Variants in SLCO3A1 observed in about 807,000 individuals in gnomAD.
SLCO3A1 encodes solute carrier organic anion transporter family member 3A1.
SLCO3A1 carries 27 observed loss-of-function variants against 63.1 expected under a neutral mutation model. The observed-to-expected ratio is 0.43, with a 90% CI of 0.32 to 0.59. The LOEUF is 0.59. SLCO3A1 is among the 20% of genes least tolerant of loss of function. SLCO3A1 has a pLI of 0.09. For missense variants in SLCO3A1, 773 were observed against 945.8 expected (o/e 0.82, Z 2.40); for synonymous variants, 473 against 409.9 (o/e 1.15, Z -1.86).
intron 8 of SLCO3A1, chr15:92,148,711 TAAA>T (rs1049061307): frequency 5.9e-5 from 9 of 152,074 alleles, no homozygotes; most frequent in Non-Finnish European, 1.0e-4. Context: ...CCATTTATCT[TAAA>T]AAAGTACTCC....
chr15:91,890,272 C>T (rs779788884), intron 1 of SLCO3A1, among the ~76,000 whole-genome samples: 2 of 152,190 alleles, frequency 1.3e-5, no homozygotes, highest in African/African-American at 4.8e-5. Context: ...TATAATTGTT[C>T]ATCTCTCCAT....
At position 92,165,453 on chromosome 15, in the gene SLCO3A1, A is replaced by C. The variant is rs1344529698; in HGVS notation, c.*2318A>C. 1.0e-6 allele frequency: 1 copy of C among 984,288 alleles called. No homozygotes were observed. Among genetic ancestry groups the C allele is most frequent in the East Asian group, 1.1e-4 (1 of 8,810 alleles). 61.0% of individuals were successfully genotyped at this position (984,288 alleles called of 1,614,324 possible). ...GCTTGGCCCTTCAAACTCAGTACAC[A>C]CACACTGAGGCCCTTTGACCTAGTG... On this transcript the variant is annotated 3_prime_UTR_variant, in exon 10 of 10. Transcript: ENST00000318445.
chr15:91,961,009 T>C (rs2151421171), intron 2 of SLCO3A1, among the ~76,000 whole-genome samples: 1 of 152,324 alleles, frequency 6.6e-6, no homozygotes, highest in African/African-American at 2.4e-5. Context: ...TGCTCAACCA[T>C]GAGGCTTTAT....
Position 92,165,175 on chromosome 15 carries a change from T to G in SLCO3A1, c.*2040T>G. On this transcript the variant is annotated 3_prime_UTR_variant, in exon 10 of 10. Coordinates refer to ENST00000318445, the MANE Select transcript of SLCO3A1 (RefSeq NM_013272.4). ...CCAAAAGAAAAGCTGTGTCGTGGTA[T>G]GGGGCCACCGTGATCAGCTACCTGG... 1.0e-6 allele frequency: 1 copy of G among 985,436 alleles called. No homozygotes were observed. Among genetic ancestry groups the G allele is most frequent in the Non-Finnish European group, 1.2e-6 (1 of 829,930 alleles). The allele number at this position is 985,436 out of a possible 1,614,324, so 61.0% of individuals were successfully genotyped here.
chr15:91,903,191 C>G (rs1222876185), intron 1 of SLCO3A1, among the ~76,000 whole-genome samples: 1 of 152,158 alleles, frequency 6.6e-6, no homozygotes, highest in East Asian at 1.9e-4. Context: ...GGACAGCTCT[C>G]AGAGTAACTG....
intron 2 of SLCO3A1, among the ~76,000 whole-genome samples, chr15:91,949,383 A>T (rs1381447305): frequency 6.6e-6 from 1 of 152,184 alleles, no homozygotes; most frequent in Non-Finnish European, 1.5e-5. Flanking sequence ...TAATCCCAGC[A>T]CTTTGGGAGG....
downstream of SLCO3A1, among the ~76,000 whole-genome samples, chr15:92,166,696 G>C (rs1464623760): frequency 6.6e-6 from 1 of 152,230 alleles, no homozygotes; most frequent in Non-Finnish European, 1.5e-5. Context: ...AGATTCTCCT[G>C]TGGTTGCTAA....
In SLCO3A1 at chr15:91,860,779, C is replaced by G. The variant is rs1177705221; in HGVS notation, c.180+6691C>G. 6.6e-6 allele frequency among the ~76,000 whole-genome samples: 1 copy of G among 152,242 alleles called. No homozygotes were observed. The highest frequency in any genetic ancestry group is 1.5e-5 in the Non-Finnish European group (1 of 68,036). Reference sequence around the variant, plus strand: ...GCCCAGAGGGGCTCAGGTCTCACGTCTTGTCTGCTGCCTTCACCTCGTGTT... The same window carrying G: ...GCCCAGAGGGGCTCAGGTCTCACGTGTTGTCTGCTGCCTTCACCTCGTGTT... On this transcript the variant is annotated intron_variant, in intron 1 of 9. Transcript: ENST00000318445. This position sits in a 1 kb window ranked among gnomAD's most constrained non-coding sequence, Gnocchi z 5.5.
chr15:92,017,555 C>CAG (rs1193531987), intron 2 of SLCO3A1, among the ~76,000 whole-genome samples: 1 of 151,960 alleles, frequency 6.6e-6, no homozygotes, highest in East Asian at 1.9e-4. Flanking sequence ...TTTAGGGGAA[C>CAG]AGAGGACTGG....
chr15:92,067,685 C>T (rs533549772), intron 2 of SLCO3A1, among the ~76,000 whole-genome samples: 3 of 152,342 alleles, frequency 2.0e-5, no homozygotes, highest in East Asian at 3.9e-4. Flanking sequence ...GAGCCAGAAG[C>T]GTCAGTGCAG....
chr15:92,060,561 G>A lies in SLCO3A1; in HGVS notation c.647-34320G>A, dbSNP rs1020706828. ...GTCACCCAGGCTGGAGTGCAGTGGCGCAAGCTCGGCTCACTGCAACCTCCG... is the reference window on the plus strand; with the variant it reads ...GTCACCCAGGCTGGAGTGCAGTGGCACAAGCTCGGCTCACTGCAACCTCCG... On this transcript the variant is annotated intron_variant, in intron 2 of 9. Coordinates refer to ENST00000318445, the MANE Select transcript of SLCO3A1 (RefSeq NM_013272.4). Among the ~76,000 whole-genome samples, 26 of 151,712 alleles carry A rather than the reference G, an allele frequency of 1.7e-4. No homozygotes were observed. The South Asian group carries it at 5.0e-3, about 29-fold the overall frequency.
At chr15:92,042,314 T>C (rs960914025) in intron 2 of SLCO3A1, among the ~76,000 whole-genome samples, 8 of 152,152 alleles carry the variant, frequency 5.3e-5, no homozygotes, top group African/African-American at 1.7e-4. Context: ...AAATTAATTT[T>C]AAAAGGGAAA....
At chr15:92,153,957 G>A (rs1329948895) in intron 9 of SLCO3A1, among the ~76,000 whole-genome samples, 1 of 152,166 alleles carries the variant, frequency 6.6e-6, no homozygotes, top group Non-Finnish European at 1.5e-5. Context: ...CCTTTATCTT[G>A]GGAGGGTGAG....
At chr15:91,913,639 T>C (rs888738671) in intron 1 of SLCO3A1, among the ~76,000 whole-genome samples, 1 of 152,222 alleles carries the variant, frequency 6.6e-6, no homozygotes, top group Non-Finnish European at 1.5e-5. Flanking sequence ...AATAGAAGCA[T>C]GCTAATTAGC....
chr15:91,977,019 T>C (rs1177705694), intron 2 of SLCO3A1, among the ~76,000 whole-genome samples: 1 of 152,074 alleles, frequency 6.6e-6, no homozygotes, highest in African/African-American at 2.4e-5. Context: ...ATTTATTAGG[T>C]GGGAATTTCC....
intron 1 of SLCO3A1, among the ~76,000 whole-genome samples, chr15:91,903,271 G>A (rs1257698373): frequency 6.6e-6 from 1 of 152,208 alleles, no homozygotes; most frequent in Non-Finnish European, 1.5e-5. Context: ...GAGGCCAAAG[G>A]TTGGTCAGTG....
intron 8 of SLCO3A1, 33 bp from the exon 9 acceptor site, chr15:92,150,917 G>GT (rs76758332): frequency 0.02 from 25,886 of 1,266,394 alleles, 1 homozygote; most frequent in South Asian, 0.024. Context: ...TAAAAATCTG[G>GT]TTTTTTTTTT....
chr15:92,169,090 G>C (rs776399024), downstream of SLCO3A1, among the ~76,000 whole-genome samples: 3 of 152,202 alleles, frequency 2.0e-5, no homozygotes, highest in Non-Finnish European at 4.4e-5. Context: ...CATTTCTCAA[G>C]CACTGACTAT....
intron 2 of SLCO3A1, among the ~76,000 whole-genome samples, chr15:92,092,748 G>A (rs541894748): frequency 3.8e-4 from 58 of 152,132 alleles, no homozygotes; most frequent in African/African-American, 1.3e-3. Flanking sequence ...AGCCCATTCC[G>A]AAAGATCTTT....
Sources: allele counts gnomAD v4.1 joint callset (sites outside exome capture counted in the v4.1 genomes callset), GRCh38; gene constraint gnomAD v4.1.1; non-coding constraint Gnocchi (gnomAD v3.1); transcripts MANE v1.5; gene names NCBI Gene and HGNC (gene_info 2026-07-23, HGNC 2026-07-21).